Variants in EYS observed in about 807,000 individuals in gnomAD.
EYS encodes EGF-like photoreceptor maintenance factor, also known as protein eyes shut homolog.
Under a neutral mutation model 282.1 loss-of-function variants are expected in EYS, and 250 were observed. The observed-to-expected ratio is 0.89, with a 90% confidence interval of 0.80 to 0.98. The LOEUF is 0.98. Among genes scored for constraint, EYS ranks in the 50% least tolerant of loss-of-function variants. The probability of loss-of-function intolerance (pLI) is 0.00; values close to 1 mark genes in which losing one functional copy is unlikely to be tolerated. For missense variants in EYS, 4,016 were observed against 3,709.0 expected (o/e 1.08, Z -2.15); for synonymous variants, 1,355 against 1,282.9 (o/e 1.06, Z -1.20).
chr6:65,544,032 G>GTGT (rs1562250709), intron 2 of EYS, among the ~76,000 whole-genome samples: 2 of 103,330 alleles, frequency 1.9e-5, no homozygotes, highest in African/African-American at 1.1e-4. Context: ...GTGTGTGTGA[G>GTGT]AGAGAGAGAG....
At chr6:65,330,517 T>C in intron 11 of EYS, 11 of 984,288 alleles carry the variant, frequency 1.1e-5, no homozygotes, top group Non-Finnish European at 1.3e-5. Context: ...CCAGAAAAAT[T>C]TTTTGAAGAT....
intron 26 of EYS, among the ~76,000 whole-genome samples, chr6:64,455,057 G>A (rs547762700): frequency 9.2e-5 from 14 of 151,924 alleles, no homozygotes; most frequent in South Asian, 4.2e-4. Flanking sequence ...CAACCTTGTC[G>A]AACTCTTCTA....
chr6:65,378,199 CA>C (rs869284042), intron 8 of EYS, among the ~76,000 whole-genome samples: 10 of 152,084 alleles, frequency 6.6e-5, no homozygotes, highest in Non-Finnish European at 1.5e-4. Context: ...CAAAAACAAT[CA>C]ACCTCATCAA....
intron 13 of EYS, among the ~76,000 whole-genome samples, chr6:65,024,053 T>C (rs767964439): frequency 2.0e-5 from 3 of 152,134 alleles, no homozygotes; most frequent in Non-Finnish European, 2.9e-5. Flanking sequence ...CAAACCTCAG[T>C]CTTCTGGGTG....
chr6:64,558,522 A>G (rs1765302907), intron 26 of EYS, among the ~76,000 whole-genome samples: 1 of 152,176 alleles, frequency 6.6e-6, no homozygotes, highest in African/African-American at 2.4e-5. Flanking sequence ...AAAAGAAAGC[A>G]AAGTAAAGCA....
At chr6:64,470,628 A>C (rs1156778634) in intron 26 of EYS, among the ~76,000 whole-genome samples, 1 of 152,170 alleles carries the variant, frequency 6.6e-6, no homozygotes, top group Admixed American at 6.5e-5. Context: ...ATAATGTTTT[A>C]AGAAAGCTTA....
chr6:64,259,112 A>C (rs1767496787), intron 30 of EYS, among the ~76,000 whole-genome samples: 1 of 152,062 alleles, frequency 6.6e-6, no homozygotes, highest in Non-Finnish European at 1.5e-5. Flanking sequence ...CTTTATTCAA[A>C]GACCTGCTCT....
At chr6:64,170,299 C>A (rs1278752041) in intron 31 of EYS, among the ~76,000 whole-genome samples, 1 of 152,124 alleles carries the variant, frequency 6.6e-6, no homozygotes, top group Non-Finnish European at 1.5e-5. Flanking sequence ...ACAATGTATC[C>A]CCTAAGCAAC....
chr6:64,976,415 T>A (rs1416142741), intron 14 of EYS, among the ~76,000 whole-genome samples: 1 of 151,894 alleles, frequency 6.6e-6, no homozygotes, highest in Non-Finnish European at 1.5e-5. Flanking sequence ...CAACAGAAAT[T>A]TACTTCTTAT....
intron 37 of EYS, among the ~76,000 whole-genome samples, chr6:63,790,272 G>C (rs1345056982): frequency 1.3e-5 from 2 of 152,142 alleles, no homozygotes; most frequent in Non-Finnish European, 2.9e-5. Context: ...CTTTGATCAG[G>C]GTAAAGGAGA....
At position 65,005,786 on chromosome 6, in the gene EYS, G is replaced by A. The variant is rs1303219800; in HGVS notation, c.2138-8083C>T. Among the ~76,000 whole-genome samples, 7 of 151,900 alleles carry A rather than the reference G, an allele frequency of 4.6e-5. 1 individual carries two copies. In the East Asian group the frequency reaches 5.9e-4, roughly 13 times the overall value. ...ACTAGAGGTAGAAAGCAGCTGTCCC[G>A]AACTCCCGGCAGTAGCCGGTTAAGA... On this transcript the variant is annotated intron_variant, in intron 13 of 42. Coordinates refer to ENST00000503581, the MANE Select transcript of EYS (RefSeq NM_001142800.2).
At chr6:64,983,793 T>C (rs1770760739) in intron 14 of EYS, among the ~76,000 whole-genome samples, 1 of 151,326 alleles carries the variant, frequency 6.6e-6, no homozygotes, top group Non-Finnish European at 1.5e-5. Context: ...GTTTTAAACA[T>C]GGTGAGATAA....
At chr6:64,887,771 A>C (rs1767145223) in intron 18 of EYS, among the ~76,000 whole-genome samples, 1 of 152,098 alleles carries the variant, frequency 6.6e-6, no homozygotes, top group Admixed American at 6.6e-5. Context: ...TTGCTTTTGA[A>C]AGTCTCAGGA....
intron 2 of EYS, among the ~76,000 whole-genome samples, chr6:65,574,953 T>C (rs1446727482): frequency 6.6e-6 from 1 of 152,104 alleles, no homozygotes; most frequent in African/African-American, 2.4e-5. Flanking sequence ...TAAAAATAAA[T>C]GGTAAGAGAA....
chr6:65,618,270 T>C (rs1351260202), intron 2 of EYS, among the ~76,000 whole-genome samples: 5 of 152,256 alleles, frequency 3.3e-5, no homozygotes, highest in East Asian at 1.9e-4. Context: ...TGGTATCACA[T>C]TGTGGTTTTG....
At chr6:64,451,156 TA>T (rs1364283138) in intron 26 of EYS, among the ~76,000 whole-genome samples, 3 of 151,630 alleles carry the variant, frequency 2.0e-5, no homozygotes, top group South Asian at 4.2e-4. Context: ...ATAGATGCAA[TA>T]AAAAAATGAC....
rs1361629141 is a variant in EYS at position 65,288,358 on chromosome 6, T to C, written c.2023+7505A>G. On this transcript the variant is annotated intron_variant, in intron 12 of 42. Coordinates refer to ENST00000503581, the MANE Select transcript of EYS (RefSeq NM_001142800.2). ...TCTGAGTCTTCCACTGAATTCTTTGTACCATGGTGTGCTTTAAAAAAATAT... is the reference window on the plus strand; with the variant it reads ...TCTGAGTCTTCCACTGAATTCTTTGCACCATGGTGTGCTTTAAAAAAATAT... Among the ~76,000 whole-genome samples, 5 of 150,830 alleles carry C rather than the reference T, an allele frequency of 3.3e-5. No individual in the cohort carries two copies. The East Asian group carries it at 9.7e-4, about 29-fold the overall frequency.
intron 28 of EYS, among the ~76,000 whole-genome samples, chr6:64,393,272 C>G (rs1003676644): frequency 2.6e-5 from 4 of 152,300 alleles, no homozygotes; most frequent in African/African-American, 9.6e-5. Context: ...TCCTCCCTAA[C>G]TCATTTTATA....
At chr6:63,763,953 GCCTC>G (rs770695143) in intron 40 of EYS, among the ~76,000 whole-genome samples, 3 of 145,260 alleles carry the variant, frequency 2.1e-5, no homozygotes, top group South Asian at 2.2e-4. Flanking sequence ...GCCCCCTCCG[GCCTC>G]CCTCCCTCCC....
Sources: allele counts gnomAD v4.1 joint callset (sites outside exome capture counted in the v4.1 genomes callset), GRCh38; gene constraint gnomAD v4.1.1; transcripts MANE v1.5; gene names NCBI Gene and HGNC (gene_info 2026-07-23, HGNC 2026-07-21).